CD40: variants seen among roughly 807,000 people sequenced by gnomAD.
The protein encoded by CD40 is tumor necrosis factor receptor superfamily member 5.
Under a neutral mutation model 38.5 loss-of-function variants are expected in CD40, and 19 were observed. The observed-to-expected ratio is 0.49, with a 90% CI of 0.34 to 0.72. The LOEUF is 0.72. CD40 is among the 30% of genes least tolerant of loss of function. The pLI, the probability that CD40 is intolerant of heterozygous loss-of-function variation, is 0.01. For synonymous variants in CD40, 130 were observed against 128.7 expected (o/e 1.01, Z -0.07); for missense variants, 256 against 344.1 (o/e 0.74, Z 2.03).
At position 46,125,526 on chromosome 20, in the gene CD40, G is replaced by A. The variant is rs550675325; in HGVS notation, c.498-1114G>A. Among the ~76,000 whole-genome samples, 16 of 118,306 alleles carry A rather than the reference G, an allele frequency of 1.4e-4. No individual in the cohort carries two copies. In the East Asian group the frequency reaches 3.5e-3, roughly 26 times the overall value. The allele number at this position is 118,306 out of a possible 152,430, so 77.6% of individuals were successfully genotyped here. ...GCCACTGCATTCCAGCCAGTCTGGCGAAAGAGCAAGACTCTGTCTCAAAAA... is the reference window on the plus strand; with the variant it reads ...GCCACTGCATTCCAGCCAGTCTGGCAAAAGAGCAAGACTCTGTCTCAAAAA... On this transcript the variant is annotated intron_variant, in intron 5 of 8. Transcript: ENST00000372285.
chr20:46,127,479 G>A (rs1230525635), intron 6 of CD40, among the ~76,000 whole-genome samples: 1 of 152,166 alleles, frequency 6.6e-6, no homozygotes, highest in Non-Finnish European at 1.5e-5. Context: ...CCTGCAGGCC[G>A]TAGTTTGCTG....
rs746893736 is a variant in CD40, at chr20:46,128,866, C to T, written c.676-16C>T. On this transcript the variant is annotated splice_polypyrimidine_tract_variant and intron_variant, in intron 8 of 8. Coordinates refer to ENST00000372285, the MANE Select transcript of CD40 (RefSeq NM_001250.6). ...GCCCCTGCTGCTGGGGGTGACCTCA[C>T]ACCTTGCCTCTCCAGGCCCCCCACC... 2 of 1,613,886 alleles carry T rather than the reference C, an allele frequency of 1.2e-6. No individual in the cohort carries two copies. The highest frequency in any genetic ancestry group is 1.7e-6 in the Non-Finnish European group (2 of 1,179,846).
rs1024910207 is a variant in CD40 at position 46,122,827 on chromosome 20, G to A, written c.403+71G>A. On this transcript the variant is annotated intron_variant, in intron 4 of 8. Coordinates refer to ENST00000372285, the MANE Select transcript of CD40 (RefSeq NM_001250.6). This position sits in a 1 kb window ranked among gnomAD's most constrained non-coding sequence, Gnocchi z 5.0. ...CTTAGGGCCCAAGGTGAGGGGCTGG[G>A]CAGTGGGCACTTAGCCCCAGAGGCA... The A allele has an allele frequency of 1.3e-6, 2 of 1,586,154 alleles. No individual in the cohort carries two copies. The highest frequency in any genetic ancestry group is 1.7e-6 in the Non-Finnish European group (2 of 1,159,496).
chr20:46,128,662 A>T (rs759459933), intron 8 of CD40: 2 of 664,184 alleles, frequency 3.0e-6, no homozygotes, highest in Non-Finnish European at 5.3e-6. Flanking sequence ...GGTGGGAGCA[A>T]ATGTGGCAGC....
chr20:46,118,318 G>A lies in CD40; in HGVS notation c.-26G>A. 1 of 1,612,350 alleles carries A rather than the reference G, an allele frequency of 6.2e-7. No homozygotes were observed. Among genetic ancestry groups the A allele is most frequent in the Non-Finnish European group, 8.5e-7 (1 of 1,179,248 alleles). On this transcript the variant is annotated 5_prime_UTR_variant, in exon 1 of 9. Coordinates refer to ENST00000372285, the MANE Select transcript of CD40 (RefSeq NM_001250.6). Reference sequence around the variant, plus strand: ...AGAGGCCTCGCTCGGGCGCCCAGTGGTCCTGCCGCCTGGTCTCACCTCGCT... The same window carrying A: ...AGAGGCCTCGCTCGGGCGCCCAGTGATCCTGCCGCCTGGTCTCACCTCGCT...
intron 6 of CD40, 157 bp from the exon 7 acceptor site, chr20:46,127,981 A>C: frequency 4.8e-6 from 7 of 1,447,118 alleles, no homozygotes; most frequent in Non-Finnish European, 6.6e-6. Context: ...CTTTAAAGAC[A>C]TCTGCCAGCC....
At position 46,128,488 on chromosome 20, in the gene CD40, G is replaced by A. The variant is rs11569341; in HGVS notation, c.675+130G>A. ...CCAGTGGGGTGGCAGCAGAATTGGGGACTGTCATCCCCACCCACCATGCTC... is the reference window on the plus strand; with the variant it reads ...CCAGTGGGGTGGCAGCAGAATTGGGAACTGTCATCCCCACCCACCATGCTC... On this transcript the variant is annotated intron_variant, in intron 8 of 8. Coordinates refer to ENST00000372285, the MANE Select transcript of CD40 (RefSeq NM_001250.6). The A allele has an allele frequency of 7.2e-5, 73 of 1,014,858 alleles. No individual in the cohort carries two copies. In the African/African-American group the frequency reaches 1.0e-3, roughly 14 times the overall value. 62.9% of individuals were successfully genotyped at this position (1,014,858 alleles called of 1,614,324 possible).
Position 46,128,957 on chromosome 20 carries a change from G to A in CD40, c.751G>A (p.Val251Met), listed in dbSNP as rs781200622. 2 of 1,614,238 alleles carry A rather than the reference G, an allele frequency of 1.2e-6. No individual in the cohort carries two copies. Among genetic ancestry groups the A allele is most frequent in the South Asian group, 2.2e-5 (2 of 91,088 alleles). The change falls in exon 9 of 9, where the codon GTG becomes ATG. Residue 251 changes from valine to methionine, a missense_variant. Coordinates refer to ENST00000372285, the MANE Select transcript of CD40 (RefSeq NM_001250.6). The part of the protein sequence containing the change: ...DLPGSNTAAP[V>M]QETLHGCQPV... ...TCCTGGCTCCAACACTGCTGCTCCAGTGCAGGAGACTTTACATGGATGCCA... is the reference window on the plus strand; with the variant it reads ...TCCTGGCTCCAACACTGCTGCTCCAATGCAGGAGACTTTACATGGATGCCA...
At position 46,129,653 on chromosome 20, in the gene CD40, T is replaced by C. The variant is rs41282792; in HGVS notation, c.*613T>C. 7.1e-5 allele frequency: 11 copies of C among 154,958 alleles called. No homozygotes were observed. Among genetic ancestry groups the C allele is most frequent in the Non-Finnish European group, 1.6e-4 (11 of 69,718 alleles). 9.6% of individuals were successfully genotyped at this position (154,958 alleles called of 1,614,324 possible). A position where few individuals can be genotyped will look rare whatever the true frequency, so the allele number is the denominator to read the frequency against. Reference sequence around the variant, plus strand: ...ATATGTATAAATACAATATGCATCATATATTGATATAACAAGGGTTCTGGA... The same window carrying C: ...ATATGTATAAATACAATATGCATCACATATTGATATAACAAGGGTTCTGGA... On this transcript the variant is annotated 3_prime_UTR_variant, in exon 9 of 9. Transcript: ENST00000372285.
At chr20:46,128,756 C>T in intron 8 of CD40, 126 bp from the exon 9 acceptor site, 3 of 1,006,064 alleles carry the variant, frequency 3.0e-6, no homozygotes, top group Non-Finnish European at 3.0e-6. Context: ...CCCGAGGAAT[C>T]AGCACTGACC....
chr20:46,121,216 C>G (rs2085311312), intron 1 of CD40, among the ~76,000 whole-genome samples: 1 of 152,200 alleles, frequency 6.6e-6, no homozygotes, highest in South Asian at 2.1e-4. Flanking sequence ...CACTGTGAGA[C>G]TCTGGGCAAG....
intron 5 of CD40, among the ~76,000 whole-genome samples, chr20:46,124,518 A>C (rs1348311893): frequency 6.6e-6 from 1 of 151,230 alleles, no homozygotes; most frequent in Non-Finnish European, 1.5e-5. Flanking sequence ...CACACACACA[A>C]ACACACACAA....
At chr20:46,125,154 G>A (rs990384368) in intron 5 of CD40, among the ~76,000 whole-genome samples, 4 of 151,536 alleles carry the variant, frequency 2.6e-5, no homozygotes, top group Non-Finnish European at 5.9e-5. Flanking sequence ...CTGAGCCTCA[G>A]TCTCCTCATC....
chr20:46,122,356 C>G lies in CD40; in HGVS notation c.254C>G (p.Pro85Arg). The G allele has an allele frequency of 6.2e-7, 1 of 1,614,216 alleles. No individual in the cohort carries two copies. Among genetic ancestry groups the G allele is most frequent in the Non-Finnish European group, 8.5e-7 (1 of 1,180,050 alleles). ...THCHQHKYCD[P>R]NLGLRVQQKG... ...TGCCACCAGCACAAATACTGCGACC[C>G]CAGTGCGTGCGCTGTTGGGAAAGGG... Residue 85 changes from proline (P) to arginine (R), a missense_variant and splice_region_variant, in exon 3 of 9, where the codon CCC (proline) becomes CGC (arginine). Pro to Arg is a moderately radical substitution (Grantham distance 103). Coordinates refer to ENST00000372285, the MANE Select transcript of CD40 (RefSeq NM_001250.6). The surrounding 1 kb of genome is among the most constrained non-coding windows in gnomAD (Gnocchi z 5.0).
At chr20:46,124,760 T>G (rs990819560) in intron 5 of CD40, among the ~76,000 whole-genome samples, 29 of 101,114 alleles carry the variant, frequency 2.9e-4, no homozygotes, top group South Asian at 1.7e-3. Context: ...AGTTTTTTTT[T>G]TTTTTTTTTT....
At chr20:46,128,038 T>A in intron 6 of CD40, 100 bp from the exon 7 acceptor site, 1 of 1,606,852 alleles carries the variant, frequency 6.2e-7, no homozygotes, top group Non-Finnish European at 8.5e-7. Context: ...GTAGATGAGC[T>A]CTGACATTGG....
intron 5 of CD40, among the ~76,000 whole-genome samples, chr20:46,126,434 T>C (rs1237946763): frequency 6.6e-6 from 1 of 152,244 alleles, no homozygotes; most frequent in East Asian, 1.9e-4. Context: ...AAGAATCTTT[T>C]CTCTGCACTT....
At chr20:46,128,783 G>C (rs776250779) in intron 8 of CD40, 99 bp from the exon 9 acceptor site, 7 of 1,304,578 alleles carry the variant, frequency 5.4e-6, no homozygotes, top group East Asian at 2.4e-5. Context: ...CTGGGAAAGG[G>C]GGGAGGGCTT....
chr20:46,119,791 T>G (rs1271702351), intron 1 of CD40, among the ~76,000 whole-genome samples: 1 of 152,216 alleles, frequency 6.6e-6, no homozygotes, highest in Non-Finnish European at 1.5e-5. Context: ...AGAACCTGGT[T>G]GTGAATCTAC....
Sources: allele counts gnomAD v4.1 joint callset (sites outside exome capture counted in the v4.1 genomes callset), GRCh38; gene constraint gnomAD v4.1.1; non-coding constraint Gnocchi (gnomAD v3.1); transcripts MANE v1.5; gene names NCBI Gene and HGNC (gene_info 2026-07-23, HGNC 2026-07-21).